Variants in MYPOP observed in about 807,000 individuals in gnomAD.
MYPOP encodes the protein Myb related transcription factor, partner of profilin.
MYPOP carries 21 observed loss-of-function variants against 25.7 expected under a neutral mutation model. The observed-to-expected ratio is 0.82, with a 90% CI of 0.58 to 1.18. The LOEUF (loss-of-function observed/expected upper bound fraction) is 1.18, where lower values mean the gene tolerates loss of function less well. Ranked by LOEUF, MYPOP falls within the 50% of genes most tolerant of loss-of-function variation. The pLI is 0.00. For synonymous variants in MYPOP, 280 were observed against 247.9 expected, an observed-to-expected ratio of 1.13 and a Z score of -1.22; for missense variants, 566 against 588.3, an observed-to-expected ratio of 0.96 and a Z score of 0.39.
intron 2 of MYPOP, among the ~76,000 whole-genome samples, chr19:45,897,501 C>A (rs1056958726): frequency 2.6e-5 from 4 of 152,150 alleles, no homozygotes; most frequent in African/African-American, 7.2e-5. Flanking sequence ...CAGAAAGTAG[C>A]CCAGCCTTCA....
At chr19:45,892,721 T>C (rs1967143470) in intron 2 of MYPOP, among the ~76,000 whole-genome samples, 1 of 152,030 alleles carries the variant, frequency 6.6e-6, no homozygotes, top group South Asian at 2.1e-4. Context: ...GAAGCTATCG[T>C]CTCTGCCTTC....
rs1967303174 is a variant in MYPOP, at chr19:45,901,878, C to T, written c.-52-53G>A. 14 of 976,978 alleles carry T rather than the reference C, an allele frequency of 1.4e-5. No homozygotes were observed. The highest frequency in any genetic ancestry group is 1.9e-5 in the Non-Finnish European group (14 of 756,026). The allele number at this position is 976,978 out of a possible 1,614,324, so 60.5% of individuals were successfully genotyped here. A position where few individuals can be genotyped will look rare whatever the true frequency, so the allele number is the denominator to read the frequency against. On this transcript the variant is annotated intron_variant, in intron 1 of 2. Transcript: ENST00000322217. The surrounding 1 kb of genome is among the most constrained non-coding windows in gnomAD (Gnocchi z 5.7). ...CTGGGGTTCGGGGTCCCCCCGCCGC[C>T]GCCTCTCCCAGACCGCCGGGCCGAG... is the stretch of plus-strand genomic sequence containing the variant.
In MYPOP at chr19:45,901,441, C is replaced by T. The variant is rs377514118; in HGVS notation, c.333G>A (p.Ala111=). The change falls in exon 2 of 3, where the codon GCG becomes GCA. Residue 111 remains alanine, a synonymous_variant. Transcript: ENST00000322217. This position sits in a 1 kb window ranked among gnomAD's most constrained non-coding sequence, Gnocchi z 5.7. ...AGPAAEDAFS[A]EEETIFAILG... ...GGATGGCAAAAATGGTCTCCTCTTC[C>T]GCGGAGAAAGCGTCCTCCGCGGCGG... 1.8e-4 allele frequency: 289 copies of T among 1,591,364 alleles called. 1 individual carries two copies. The highest frequency in any genetic ancestry group is 2.3e-4 in the Non-Finnish European group (269 of 1,169,022).
rs775953907 is a variant in MYPOP, at chr19:45,891,061, C to T, written c.762G>A (p.Ser254=). 36 of 1,372,934 alleles carry T rather than the reference C, an allele frequency of 2.6e-5. No homozygotes were observed. Among genetic ancestry groups the T allele is most frequent in the African/African-American group, 6.4e-5 (4 of 62,254 alleles). The allele number at this position is 1,372,934 out of a possible 1,614,324, so 85.0% of individuals were successfully genotyped here. Residue 254 remains serine (S), a synonymous_variant, in exon 3 of 3, where the codon TCG becomes TCA. Coordinates refer to ENST00000322217, the MANE Select transcript of MYPOP (RefSeq NM_001012643.4). Reference sequence around the variant, plus strand: ...GGAAGTCCAGGGAGGGGTCTGAGGCCGAGAGCGTGGGTGGAGGCCGAGGAG... The same window carrying T: ...GGAAGTCCAGGGAGGGGTCTGAGGCTGAGAGCGTGGGTGGAGGCCGAGGAG... ...PPPPRPPPTL[S]ASDPSLDFLR... is the part of the protein sequence containing the mutation.
intron 2 of MYPOP, among the ~76,000 whole-genome samples, chr19:45,898,685 C>T (rs73940367): frequency 0.21 from 32,424 of 151,946 alleles, 4,338 homozygotes; most frequent in Non-Finnish European, 0.26. Flanking sequence ...AGCTTTTGCA[C>T]GTGCTGTTTC....
At chr19:45,893,684 G>C (rs1355806101) in intron 2 of MYPOP, among the ~76,000 whole-genome samples, 1 of 151,792 alleles carries the variant, frequency 6.6e-6, no homozygotes, top group Non-Finnish European at 1.5e-5. Flanking sequence ...GAGGTGCAGG[G>C]TTTCTTTCTG....
In MYPOP at chr19:45,891,055, T is replaced by A; in HGVS notation, c.768A>T (p.Ser256=). ...CCCGCAGGAAGTCCAGGGAGGGGTC[T>A]GAGGCCGAGAGCGTGGGTGGAGGCC... The part of the protein sequence containing the change: ...PPRPPPTLSA[S]DPSLDFLRAQ... Residue 256 remains serine (S), a synonymous_variant, in exon 3 of 3, where the codon TCA becomes TCT. Transcript: ENST00000322217. The A allele has an allele frequency of 7.4e-7, 1 of 1,359,532 alleles. No homozygotes were observed. The allele number at this position is 1,359,532 out of a possible 1,614,324, so 84.2% of individuals were successfully genotyped here.
In MYPOP at chr19:45,901,434, C is replaced by G. The variant is rs553975004; in HGVS notation, c.340G>C (p.Glu114Gln). The change falls in exon 2 of 3, where the codon GAG becomes CAG. Residue 114 changes from glutamate (E) to glutamine (Q), a missense_variant. By Grantham distance (29) the Glu-to-Gln change is conservative (BLOSUM62 2). Coordinates refer to ENST00000322217, the MANE Select transcript of MYPOP (RefSeq NM_001012643.4). The surrounding 1 kb of genome is among the most constrained non-coding windows in gnomAD (Gnocchi z 5.7). Reference sequence around the variant, plus strand: ...GGCCCCAGGATGGCAAAAATGGTCTCCTCTTCCGCGGAGAAAGCGTCCTCC... The same window carrying G: ...GGCCCCAGGATGGCAAAAATGGTCTGCTCTTCCGCGGAGAAAGCGTCCTCC... ...AAEDAFSAEEETIFAILGPGV... is the reference protein window; with the variant it reads ...AAEDAFSAEEQTIFAILGPGV... 6.3e-7 allele frequency: 1 copy of G among 1,586,632 alleles called. No homozygotes were observed. The highest frequency in any genetic ancestry group is 1.1e-5 in the South Asian group (1 of 87,870).
rs1477140081 is a variant in MYPOP, at chr19:45,901,638, G to A, written c.136C>T (p.Arg46Trp). The change falls in exon 2 of 3, where the codon CGG (arginine) becomes TGG (tryptophan). Residue 46 changes from arginine (R) to tryptophan (W), a missense_variant. Arg to Trp is a moderately radical substitution (Grantham distance 101). Transcript: ENST00000322217. The surrounding 1 kb of genome is among the most constrained non-coding windows in gnomAD (Gnocchi z 5.7). ...YPQLYGAQSR[R>W]VSVAERRRVW... is the part of the protein sequence containing the mutation. ...CGCCGCCGCTCTGCCACGCTCACCCGACGGCTCTGCGCGCCGTAGAGCTGC... is the reference window on the plus strand; with the variant it reads ...CGCCGCCGCTCTGCCACGCTCACCCAACGGCTCTGCGCGCCGTAGAGCTGC... 1 of 1,610,606 alleles carries A rather than the reference G, an allele frequency of 6.2e-7. No individual in the cohort carries two copies.
At position 45,901,110 on chromosome 19, in the gene MYPOP, AT is replaced by A. The variant is rs1967281989; in HGVS notation, c.499+164del. ...TCCTGGCTCTTGACAGTTACTAGCT[AT>A]CGGAACTGAGGCAAGTCATTTCATT... On this transcript the variant is annotated intron_variant, in intron 2 of 2. Transcript: ENST00000322217. This position sits in a 1 kb window ranked among gnomAD's most constrained non-coding sequence, Gnocchi z 5.7. Among the ~76,000 whole-genome samples the A allele has an allele frequency of 6.6e-6, 1 of 152,244 alleles. No individual in the cohort carries two copies. The highest frequency in any genetic ancestry group is 1.9e-4 in the East Asian group (1 of 5,206).
Position 45,901,345 on chromosome 19 carries a change from C to T in MYPOP, c.429G>A (p.Gln143=). The T allele has an allele frequency of 1.4e-6, 2 of 1,461,934 alleles. No individual in the cohort carries two copies. The highest frequency in any genetic ancestry group is 1.8e-6 in the Non-Finnish European group (2 of 1,108,344). The allele number at this position is 1,461,934 out of a possible 1,614,324, so 90.6% of individuals were successfully genotyped here. ...AEEPPAAPSS[Q]PPPPSACPQR... ...GAGGGCAGGCGCTTGGGGGCGGCGG[C>T]TGTGAAGAGGGGGCCGCAGGGGGCT... Residue 143 remains glutamine (Q), a synonymous_variant, in exon 2 of 3, where the codon CAG becomes CAA. Coordinates refer to ENST00000322217, the MANE Select transcript of MYPOP (RefSeq NM_001012643.4). This position sits in a 1 kb window ranked among gnomAD's most constrained non-coding sequence, Gnocchi z 5.7.
chr19:45,899,579 C>G (rs922059625), intron 2 of MYPOP, among the ~76,000 whole-genome samples: 1 of 152,122 alleles, frequency 6.6e-6, no homozygotes, highest in African/African-American at 2.4e-5. Context: ...GTGGCTCAGG[C>G]CTGTAATCCC....
chr19:45,896,164 G>C (rs367646601), intron 2 of MYPOP, among the ~76,000 whole-genome samples: 1 of 152,194 alleles, frequency 6.6e-6, no homozygotes, highest in East Asian at 1.9e-4. Context: ...GGTGGTGCAC[G>C]CCTGTGATCC....
At chr19:45,896,068 A>G (rs1967200065) in intron 2 of MYPOP, among the ~76,000 whole-genome samples, 1 of 152,142 alleles carries the variant, frequency 6.6e-6, no homozygotes, top group South Asian at 2.1e-4. Context: ...AGGCAGGCGG[A>G]TCACCTGAGG....
At chr19:45,897,691 G>T (rs529650455) in intron 2 of MYPOP, among the ~76,000 whole-genome samples, 1 of 150,176 alleles carries the variant, frequency 6.7e-6, no homozygotes, top group African/African-American at 2.4e-5. Flanking sequence ...GTGTAGCTGG[G>T]ACCAAGGCGC....
chr19:45,894,096 C>T (rs1241733741), intron 2 of MYPOP, among the ~76,000 whole-genome samples: 7 of 149,606 alleles, frequency 4.7e-5, no homozygotes. Flanking sequence ...ATCCTGTACA[C>T]TTTATTTTTA....
chr19:45,901,354 G>T lies in MYPOP; in HGVS notation c.420C>A (p.Pro140=). 6.8e-7 allele frequency: 1 copy of T among 1,461,866 alleles called. No individual in the cohort carries two copies. Among genetic ancestry groups the T allele is most frequent in the East Asian group, 2.5e-5 (1 of 39,292 alleles). 90.6% of individuals were successfully genotyped at this position (1,461,866 alleles called of 1,614,324 possible). A position where few individuals can be genotyped will look rare whatever the true frequency, so the allele number is the denominator to read the frequency against. Reference sequence around the variant, plus strand: ...CGCTTGGGGGCGGCGGCTGTGAAGAGGGGGCCGCAGGGGGCTCCTCCGCCC... The same window carrying T: ...CGCTTGGGGGCGGCGGCTGTGAAGATGGGGCCGCAGGGGGCTCCTCCGCCC... ...GAGAEEPPAA[P]SSQPPPPSAC... is the part of the protein sequence containing the mutation. The change falls in exon 2 of 3, where the codon CCC becomes CCA. Residue 140 remains proline, a synonymous_variant. Coordinates refer to ENST00000322217, the MANE Select transcript of MYPOP (RefSeq NM_001012643.4). This position sits in a 1 kb window ranked among gnomAD's most constrained non-coding sequence, Gnocchi z 5.7.
rs961766496 is a variant in MYPOP at position 45,901,304 on chromosome 19, G to T, written c.470C>A (p.Ser157Ter). Residue 157 changes from serine (S) to a stop codon, truncating the protein, a stop_gained, in exon 2 of 3, where the codon TCG (serine) becomes TAG (stop). Transcript: ENST00000322217. LOFTEE classifies it high-confidence loss of function. This position sits in a 1 kb window ranked among gnomAD's most constrained non-coding sequence, Gnocchi z 5.7. Reference protein sequence around the residue: ...PSACPQRYVLSEDRREDRRAD... With the variant: ...PSACPQRYVL ...ACGTCGGTCCTCCCGGCGGTCTTCCGACAACACGTAGCGCTGAGGGCAGGC... is the reference window on the plus strand; with the variant it reads ...ACGTCGGTCCTCCCGGCGGTCTTCCTACAACACGTAGCGCTGAGGGCAGGC... 1 of 1,455,610 alleles carries T rather than the reference G, an allele frequency of 6.9e-7. No individual in the cohort carries two copies. The highest frequency in any genetic ancestry group is 9.0e-7 in the Non-Finnish European group (1 of 1,105,202). 90.2% of individuals were successfully genotyped at this position (1,455,610 alleles called of 1,614,324 possible).
Position 45,894,338 on chromosome 19 carries a change from C to G in MYPOP, c.500-3015G>C, listed in dbSNP as rs1264521877. ...CCATGTTAGCCAGGATGGTCTCAATCTCCTGACCTTGTGATCCACCTGCCT... is the reference window on the plus strand; with the variant it reads ...CCATGTTAGCCAGGATGGTCTCAATGTCCTGACCTTGTGATCCACCTGCCT... On this transcript the variant is annotated intron_variant, in intron 2 of 2. Coordinates refer to ENST00000322217, the MANE Select transcript of MYPOP (RefSeq NM_001012643.4). 4.6e-5 allele frequency among the ~76,000 whole-genome samples: 7 copies of G among 152,132 alleles called. 1 individual carries two copies. The highest frequency in any genetic ancestry group is 8.8e-5 in the Non-Finnish European group (6 of 68,040).
Sources: allele counts gnomAD v4.1 joint callset (sites outside exome capture counted in the v4.1 genomes callset), GRCh38; gene constraint gnomAD v4.1.1; non-coding constraint Gnocchi (gnomAD v3.1); transcripts MANE v1.5; gene names NCBI Gene and HGNC (gene_info 2026-07-23, HGNC 2026-07-21).